C5orf34: variants seen among roughly 807,000 people sequenced by gnomAD.
C5orf34 encodes the protein chromosome 5 open reading frame 34.
Under a neutral mutation model 78.4 loss-of-function variants are expected in C5orf34, and 73 were observed. The ratio of observed to expected loss-of-function variants is 0.93; its 90% CI spans 0.77 to 1.13. C5orf34 has a LOEUF of 1.13. C5orf34 is among the 50% of genes most tolerant of loss of function. The pLI is 0.00. For missense variants in C5orf34, 730 were observed against 732.7 expected, an observed-to-expected ratio of 1.00 and a Z score of 0.04; for synonymous variants, 251 against 246.6, an observed-to-expected ratio of 1.02 and a Z score of -0.17.
chr5:43,500,276 A>AC (rs1745702911), intron 6 of C5orf34, among the ~76,000 whole-genome samples: 1 of 152,070 alleles, frequency 6.6e-6, no homozygotes. Flanking sequence ...ATCCATTTTT[A>AC]CCCTTTGCCC....
chr5:43,506,065 G>C lies in C5orf34; in HGVS notation c.615C>G (p.Ser205=). The C allele has an allele frequency of 6.2e-7, 1 of 1,614,026 alleles. No homozygotes were observed. Among genetic ancestry groups the C allele is most frequent in the Non-Finnish European group, 8.5e-7 (1 of 1,180,002 alleles). The part of the protein sequence containing the change: ...ENEFHCQIMK[S]KETLKKMSCV... The stretch of plus-strand genomic sequence containing the variant: ...AACTCATCTTCTTTAAAGTTTCTTT[G>C]GATTTCATGATCTGGCAATGAAACT... The change falls in exon 4 of 13, where the codon TCC becomes TCG. Residue 205 remains serine (S), a synonymous_variant. Transcript: ENST00000306862.
At position 43,506,084 on chromosome 5, in the gene C5orf34, T is replaced by C; in HGVS notation, c.596A>G (p.His199Arg). Residue 199 changes from histidine (H) to arginine (R), a missense_variant, in exon 4 of 13, where the codon CAT becomes CGT. By Grantham distance (29) the His-to-Arg change is conservative. Coordinates refer to ENST00000306862, the MANE Select transcript of C5orf34 (RefSeq NM_198566.4). ...TTCTTTGGATTTCATGATCTGGCAA[T>C]GAAACTCATTTTCTTTATTCTTCAG... ...QRLKNKENEF[H>R]CQIMKSKETL... The C allele has an allele frequency of 6.2e-7, 1 of 1,614,210 alleles. No homozygotes were observed. The highest frequency in any genetic ancestry group is 1.7e-5 in the Admixed American group (1 of 60,014).
At chr5:43,504,232 G>A (rs1264408493) in intron 4 of C5orf34, among the ~76,000 whole-genome samples, 3 of 151,892 alleles carry the variant, frequency 2.0e-5, no homozygotes, top group Admixed American at 6.6e-5. Context: ...GCTTGAACCC[G>A]GGAGGCGGAG....
At chr5:43,502,880 G>A (rs138303158) in intron 5 of C5orf34, among the ~76,000 whole-genome samples, 335 of 152,220 alleles carry the variant, frequency 2.2e-3, no homozygotes, top group African/African-American at 7.5e-3. Context: ...TGAAACTAGC[G>A]GAATCAATAC....
At chr5:43,512,985 T>C (rs1746338198) in intron 1 of C5orf34, among the ~76,000 whole-genome samples, 1 of 152,026 alleles carries the variant, frequency 6.6e-6, no homozygotes, top group Admixed American at 6.5e-5. Flanking sequence ...GTTTTCACCA[T>C]GTTGGCCAGA....
intron 6 of C5orf34, among the ~76,000 whole-genome samples, chr5:43,499,084 G>A (rs942524431): frequency 2.6e-5 from 4 of 152,200 alleles, no homozygotes; most frequent in African/African-American, 7.2e-5. Flanking sequence ...TTAAGAAAAT[G>A]TCACCCAATA....
intron 11 of C5orf34, among the ~76,000 whole-genome samples, chr5:43,489,096 A>G (rs754970996): frequency 2.6e-5 from 4 of 151,948 alleles, no homozygotes; most frequent in Non-Finnish European, 5.9e-5. Flanking sequence ...TTATTGCAAA[A>G]TATCTTTTTT....
chr5:43,502,623 G>T, intron 5 of C5orf34, 128 bp from the exon 6 acceptor site: 5 of 612,980 alleles, frequency 8.2e-6, no homozygotes, highest in Non-Finnish European at 1.4e-5. Flanking sequence ...CCTGTCCAGT[G>T]AAGCAGATAA....
chr5:43,507,066 G>C (rs1233764267), intron 3 of C5orf34, among the ~76,000 whole-genome samples: 2 of 152,120 alleles, frequency 1.3e-5, no homozygotes, highest in Non-Finnish European at 2.9e-5. Flanking sequence ...CATGTAAAAA[G>C]TACCCATCCT....
intron 1 of C5orf34, among the ~76,000 whole-genome samples, chr5:43,513,536 A>G (rs1746362725): frequency 2.0e-5 from 3 of 152,140 alleles, no homozygotes; most frequent in Admixed American, 6.5e-5. Flanking sequence ...TTAAAATCCA[A>G]ACTCCTAAAC....
intron 6 of C5orf34, among the ~76,000 whole-genome samples, chr5:43,498,119 T>C (rs1172205247): frequency 6.6e-6 from 1 of 152,216 alleles, no homozygotes; most frequent in African/African-American, 2.4e-5. Flanking sequence ...TTTTACTTAA[T>C]GTCTGTTTTC....
intron 9 of C5orf34, 26 bp from the exon 10 acceptor site, chr5:43,492,335 A>G: frequency 2.7e-6 from 4 of 1,455,260 alleles, no homozygotes; most frequent in East Asian, 2.3e-5. Flanking sequence ...GATAAGTTTT[A>G]TCATTTTAGA....
chr5:43,496,573 TTTTTTTTAA>T (rs1298270091), intron 6 of C5orf34: 2 of 670,118 alleles, frequency 3.0e-6, no homozygotes, highest in Non-Finnish European at 4.3e-6. Flanking sequence ...CATTCAAAAG[TTTTTTTTAA>T]TTTTTTTTTT....
chr5:43,504,359 G>A (rs1286643619), intron 4 of C5orf34, among the ~76,000 whole-genome samples: 3 of 151,882 alleles, frequency 2.0e-5, no homozygotes, highest in Non-Finnish European at 4.4e-5. Context: ...TATACACACT[G>A]TGGATATAAC....
Position 43,509,218 on chromosome 5 carries a change from G to C in C5orf34, c.122C>G (p.Pro41Arg). The C allele has an allele frequency of 6.2e-7, 1 of 1,614,174 alleles. No homozygotes were observed. Among genetic ancestry groups the C allele is most frequent in the Non-Finnish European group, 8.5e-7 (1 of 1,180,014 alleles). ...GSEFLFEKSP[P>R]VSAHPLEQPE... Reference sequence around the variant, plus strand: ...TTGTTCTAAAGGATGTGCTGAAACAGGTGGTGACTTTTCAAATAAAAATTC... The same window carrying C: ...TTGTTCTAAAGGATGTGCTGAAACACGTGGTGACTTTTCAAATAAAAATTC... The change falls in exon 2 of 13, where the codon CCT becomes CGT. Residue 41 changes from proline (P) to arginine (R), a missense_variant. Coordinates refer to ENST00000306862, the MANE Select transcript of C5orf34 (RefSeq NM_198566.4).
Position 43,509,296 on chromosome 5 carries a change from A to G in C5orf34, c.44T>C (p.Val15Ala), listed in dbSNP as rs973508021. ...LRMILYEDDS[V>A]QVQYVDGSTL... ...GGAACCATCAACATATTGTACTTGT[A>G]CTGAATCATCTTCATAAAGTATCAT... The change falls in exon 2 of 13, where the codon GTA (valine) becomes GCA (alanine). Residue 15 changes from valine to alanine, a missense_variant. Transcript: ENST00000306862. 6.2e-7 allele frequency: 1 copy of G among 1,613,758 alleles called. No individual in the cohort carries two copies. The highest frequency in any genetic ancestry group is 8.5e-7 in the Non-Finnish European group (1 of 1,179,908).
intron 4 of C5orf34, 194 bp downstream of exon 4, chr5:43,505,554 A>T: frequency 1.9e-6 from 1 of 538,732 alleles, no homozygotes; most frequent in Non-Finnish European, 3.2e-6. Context: ...TCAGCCTTCT[A>T]CATTCAATGC....
intron 11 of C5orf34, among the ~76,000 whole-genome samples, chr5:43,489,389 A>G (rs553811072): frequency 2.6e-5 from 4 of 152,160 alleles, no homozygotes; most frequent in East Asian, 1.9e-4. Flanking sequence ...CTACTCCTCA[A>G]TTTCTTTATC....
At position 43,509,219 on chromosome 5, in the gene C5orf34, G is replaced by A; in HGVS notation, c.121C>T (p.Pro41Ser). The A allele has an allele frequency of 3.1e-6, 5 of 1,614,164 alleles. No individual in the cohort carries two copies. Among genetic ancestry groups the A allele is most frequent in the Non-Finnish European group, 3.4e-6 (4 of 1,180,010 alleles). Residue 41 changes from proline to serine, a missense_variant, in exon 2 of 13, where the codon CCT (proline) becomes TCT (serine). Coordinates refer to ENST00000306862, the MANE Select transcript of C5orf34 (RefSeq NM_198566.4). ...TGTTCTAAAGGATGTGCTGAAACAGGTGGTGACTTTTCAAATAAAAATTCA... is the reference window on the plus strand; with the variant it reads ...TGTTCTAAAGGATGTGCTGAAACAGATGGTGACTTTTCAAATAAAAATTCA... ...GSEFLFEKSP[P>S]VSAHPLEQPE... is the part of the protein sequence containing the mutation.
Sources: allele counts gnomAD v4.1 joint callset (sites outside exome capture counted in the v4.1 genomes callset), GRCh38; gene constraint gnomAD v4.1.1; transcripts MANE v1.5; gene names NCBI Gene and HGNC (gene_info 2026-07-23, HGNC 2026-07-21).